The following EXOC4 variants were observed in gnomAD, a reference collection of about 807,000 sequenced individuals.
EXOC4 encodes the protein SEC8-like 1.
In EXOC4, 71 loss-of-function variants were observed where a neutral mutation model predicts 107.2. That is an observed-to-expected ratio of 0.66 (90% confidence interval 0.55 to 0.81). The LOEUF (loss-of-function observed/expected upper bound fraction) is 0.81. EXOC4 is among the 30% of genes least tolerant of loss of function. EXOC4 has a pLI of 0.00. For missense variants in EXOC4, 1,108 were observed against 1,189.6 expected (o/e 0.93, Z 1.01); for synonymous variants, 456 against 441.2 (o/e 1.03, Z -0.42).
chr7:133,461,154 T>G (rs992255961), intron 7 of EXOC4, among the ~76,000 whole-genome samples: 4 of 152,204 alleles, frequency 2.6e-5, no homozygotes, highest in African/African-American at 7.2e-5. Context: ...TTCAGAACAG[T>G]GAGCACCTTA....
chr7:133,857,148 GTATATATA>G (rs60382657), intron 11 of EXOC4, among the ~76,000 whole-genome samples: 20 of 20,710 alleles, frequency 9.7e-4, no homozygotes, highest in African/African-American at 2.3e-3. Flanking sequence ...ACACATACAC[GTATATATA>G]TATATATATA....
At chr7:133,460,141 G>C (rs968966719) in intron 7 of EXOC4, among the ~76,000 whole-genome samples, 2 of 152,170 alleles carry the variant, frequency 1.3e-5, no homozygotes, top group Non-Finnish European at 2.9e-5. Flanking sequence ...GAATGAAACT[G>C]TTCCACCTCA....
chr7:133,400,564 C>T (rs1480026453), intron 7 of EXOC4, among the ~76,000 whole-genome samples: 1 of 152,122 alleles, frequency 6.6e-6, no homozygotes. Flanking sequence ...TTTTTTACAA[C>T]AGCCTACTGT....
At chr7:133,730,829 C>G (rs1795311273) in intron 10 of EXOC4, among the ~76,000 whole-genome samples, 1 of 152,114 alleles carries the variant, frequency 6.6e-6, no homozygotes, top group Non-Finnish European at 1.5e-5. Flanking sequence ...CTTGCAATAA[C>G]AGATAAACAC....
At chr7:134,091,071 C>T in the EXOC4 span, among the ~76,000 whole-genome samples, 2 of 151,842 alleles carry the variant, frequency 1.3e-5, no homozygotes, top group African/African-American at 2.4e-5. Context: ...TTTGTGGTTG[C>T]CAGAAAGATG....
At chr7:134,047,430 A>G (rs1795683029) in intron 17 of EXOC4, among the ~76,000 whole-genome samples, 1 of 152,112 alleles carries the variant, frequency 6.6e-6, no homozygotes, top group Non-Finnish European at 1.5e-5. Flanking sequence ...ATTCTCTCCT[A>G]CAATGCCTGA....
chr7:133,467,013 C>A (rs935733886), intron 7 of EXOC4, among the ~76,000 whole-genome samples: 1 of 152,082 alleles, frequency 6.6e-6, no homozygotes, highest in Non-Finnish European at 1.5e-5. Flanking sequence ...TGACCTAATG[C>A]AAATTTATTA....
At chr7:133,474,776 G>A (rs1393883048) in intron 7 of EXOC4, among the ~76,000 whole-genome samples, 2 of 152,086 alleles carry the variant, frequency 1.3e-5, no homozygotes, top group East Asian at 3.9e-4. Context: ...ATGTGTAATA[G>A]TGAGTGGTAA....
intron 9 of EXOC4, among the ~76,000 whole-genome samples, chr7:133,510,782 C>G (rs941455985): frequency 3.9e-5 from 6 of 152,262 alleles, no homozygotes; most frequent in Middle Eastern, 3.4e-3. Flanking sequence ...ATAGTTTATT[C>G]ATTCACTAAG....
chr7:133,471,506 A>G (rs1374892403), intron 7 of EXOC4, among the ~76,000 whole-genome samples: 5 of 152,204 alleles, frequency 3.3e-5, no homozygotes, highest in African/African-American at 1.2e-4. Flanking sequence ...GATGAATGGT[A>G]TTAGACAAGA....
At chr7:133,975,684 G>A (rs1434686897) in intron 14 of EXOC4, among the ~76,000 whole-genome samples, 1 of 152,046 alleles carries the variant, frequency 6.6e-6, no homozygotes, top group East Asian at 1.9e-4. Context: ...AAAATGCTAA[G>A]TAATTTTAAC....
intron 7 of EXOC4, among the ~76,000 whole-genome samples, chr7:133,383,130 G>A (rs1007928762): frequency 6.6e-6 from 1 of 152,140 alleles, no homozygotes; most frequent in Non-Finnish European, 1.5e-5. Flanking sequence ...CATATTGTTG[G>A]CTGTGTGTTT....
intron 17 of EXOC4, among the ~76,000 whole-genome samples, chr7:134,035,010 A>G (rs1483241842): frequency 6.6e-6 from 1 of 151,492 alleles, no homozygotes; most frequent in Non-Finnish European, 1.5e-5. Flanking sequence ...GTAAAGAAGG[A>G]GATAAAAAGG....
chr7:133,675,644 G>T (rs907678945), intron 10 of EXOC4, among the ~76,000 whole-genome samples: 1 of 152,160 alleles, frequency 6.6e-6, no homozygotes, highest in Non-Finnish European at 1.5e-5. Context: ...CTGCTTTGTA[G>T]ATTATTTGAT....
At chr7:133,627,972 G>A (rs1802498205) in intron 9 of EXOC4, among the ~76,000 whole-genome samples, 1 of 152,148 alleles carries the variant, frequency 6.6e-6, no homozygotes, top group Admixed American at 6.5e-5. Flanking sequence ...GTTTTTATCA[G>A]TCGATTTCCA....
intron 3 of EXOC4, among the ~76,000 whole-genome samples, chr7:133,299,802 A>C (rs1009283157): frequency 1.3e-5 from 2 of 152,154 alleles, no homozygotes; most frequent in African/African-American, 4.8e-5. Context: ...TCTCCCTGGC[A>C]GTCTATTGCA....
At chr7:133,655,726 G>A (rs1803276160) in intron 10 of EXOC4, among the ~76,000 whole-genome samples, 1 of 152,108 alleles carries the variant, frequency 6.6e-6, no homozygotes, top group Non-Finnish European at 1.5e-5. Flanking sequence ...CCATCTCCTA[G>A]GATAACAATA....
At position 133,292,113 on chromosome 7, in the gene EXOC4, G is replaced by A. The variant is rs571349340; in HGVS notation, c.471+2997G>A. ...TAATCCCAGCACTTTGGGAGGCTGA[G>A]GTGGGCAGATCACGTGAGGTCAGGA... On this transcript the variant is annotated intron_variant, in intron 3 of 17. Coordinates refer to ENST00000253861, the MANE Select transcript of EXOC4 (RefSeq NM_021807.4). Among the ~76,000 whole-genome samples, 278 of 152,276 alleles carry A rather than the reference G, an allele frequency of 1.8e-3. 1 individual carries two copies. The highest frequency in any genetic ancestry group is 6.3e-3 in the African/African-American group (261 of 41,558).
intron 1 of EXOC4, among the ~76,000 whole-genome samples, chr7:133,262,465 C>T (rs1478975484): frequency 6.6e-6 from 1 of 151,906 alleles, no homozygotes; most frequent in Non-Finnish European, 1.5e-5. Flanking sequence ...ATATTTGACA[C>T]TCTTGGTAAG....
Sources: gnomAD v4.1 joint callset for allele counts (sites outside exome capture counted in the v4.1 genomes callset) on GRCh38, gnomAD v4.1.1 for gene constraint, MANE v1.5 for transcripts, NCBI Gene and HGNC (gene_info 2026-07-23, HGNC 2026-07-21) for gene names.